Variants in PPP3CA observed in about 807,000 individuals in gnomAD.
PPP3CA encodes the protein CAM-PRP catalytic subunit.
A neutral mutation model predicts 66.5 loss-of-function variants in PPP3CA; 14 were observed. The ratio of observed to expected loss-of-function variants is 0.21; its 90% CI spans 0.14 to 0.33. The LOEUF (loss-of-function observed/expected upper bound fraction) is 0.33, where lower values mean the gene tolerates loss of function less well. Ranked by LOEUF, PPP3CA falls within the 10% of genes least tolerant of loss-of-function variation. The pLI is 1.00. For synonymous variants in PPP3CA, 232 were observed against 226.2 expected (o/e 1.03, Z -0.23); for missense variants, 317 against 639.5 (o/e 0.50, Z 5.44).
rs898833082 is a variant in PPP3CA at position 101,098,577 on chromosome 4, TG to T, written c.497-66del. Reference sequence around the variant, plus strand: ...CAGGATCATTTCACTGAAATAGTTTTGGTTTTTTGAGAAGTTTTCTTGCTAG... The same window carrying T: ...CAGGATCATTTCACTGAAATAGTTTTGTTTTTTGAGAAGTTTTCTTGCTAG... On this transcript the variant is annotated intron_variant, in intron 4 of 13. Coordinates refer to ENST00000394854, the MANE Select transcript of PPP3CA (RefSeq NM_000944.5). The T allele has an allele frequency of 2.0e-6, 3 of 1,486,806 alleles. No homozygotes were observed. In the African/African-American group the frequency reaches 4.4e-5, roughly 22 times the overall value. 92.1% of individuals were successfully genotyped at this position (1,486,806 alleles called of 1,614,324 possible). A position where few individuals can be genotyped will look rare whatever the true frequency, so the allele number is the denominator to read the frequency against.
At chr4:101,324,195 A>AGGAC (rs1729137954) in intron 1 of PPP3CA, among the ~76,000 whole-genome samples, 1 of 140,464 alleles carries the variant, frequency 7.1e-6, no homozygotes, top group Non-Finnish European at 1.6e-5. Context: ...GAAGGAAGGA[A>AGGAC]GGAAGGAAGG....
intron 1 of PPP3CA, among the ~76,000 whole-genome samples, chr4:101,225,447 C>T (rs1553934108): frequency 6.6e-6 from 1 of 151,742 alleles, no homozygotes; most frequent in Non-Finnish European, 1.5e-5. Context: ...ATAAATAGTT[C>T]TTTACAAGCC....
chr4:101,277,465 G>A (rs969647456), intron 1 of PPP3CA, among the ~76,000 whole-genome samples: 1 of 152,092 alleles, frequency 6.6e-6, no homozygotes, highest in Non-Finnish European at 1.5e-5. Flanking sequence ...TTGTTTAAAT[G>A]TCCCAATTTG....
At chr4:101,110,076 G>A (rs1435442743) in intron 2 of PPP3CA, among the ~76,000 whole-genome samples, 1 of 151,936 alleles carries the variant, frequency 6.6e-6, no homozygotes, top group Non-Finnish European at 1.5e-5. Context: ...ATATTTTTAT[G>A]TATTTATACT....
At chr4:101,219,395 T>C (rs1725555120) in intron 1 of PPP3CA, among the ~76,000 whole-genome samples, 2 of 152,040 alleles carry the variant, frequency 1.3e-5, no homozygotes, top group Admixed American at 1.3e-4. Flanking sequence ...AGCTTCTGAA[T>C]CACATCTTGT....
intron 2 of PPP3CA, among the ~76,000 whole-genome samples, chr4:101,124,721 GAAAGAGAAAGAAAGAAAGAAAGAAAGAA>G (rs1560614414): frequency 6.2e-4 from 44 of 70,540 alleles, no homozygotes; most frequent in African/African-American, 1.8e-3. Context: ...AAGAAAGAAA[GAAAGAGAAAGAAAGAAAGAAAGAAAGAA>G]AGAAAGAAAG....
At chr4:101,180,798 C>T (rs1159403177) in intron 2 of PPP3CA, among the ~76,000 whole-genome samples, 1 of 151,950 alleles carries the variant, frequency 6.6e-6, no homozygotes, top group Admixed American at 6.6e-5. Flanking sequence ...CTTTGGGGGG[C>T]CAAGGAGGGA....
chr4:101,070,206 G>A (rs977641855), intron 8 of PPP3CA, among the ~76,000 whole-genome samples: 4 of 152,030 alleles, frequency 2.6e-5, no homozygotes, highest in African/African-American at 9.7e-5. Context: ...TACTATATCT[G>A]GCATATGGTT....
chr4:101,080,174 T>C (rs1729371612), intron 8 of PPP3CA, among the ~76,000 whole-genome samples: 1 of 152,336 alleles, frequency 6.6e-6, no homozygotes, highest in South Asian at 2.1e-4. Context: ...ATCCTTTCCA[T>C]GGACAATCAC....
At chr4:101,084,829 C>T (rs1403744506) in intron 6 of PPP3CA, among the ~76,000 whole-genome samples, 2 of 152,048 alleles carry the variant, frequency 1.3e-5, no homozygotes, top group African/African-American at 2.4e-5. Flanking sequence ...TCCTAGTTGT[C>T]CCCAGTCAAT....
At chr4:101,297,576 C>G (rs1197876330) in intron 1 of PPP3CA, among the ~76,000 whole-genome samples, 1 of 152,138 alleles carries the variant, frequency 6.6e-6, no homozygotes, top group Non-Finnish European at 1.5e-5. Context: ...GGAAGAGGAA[C>G]CCACTAGATG....
intron 2 of PPP3CA, among the ~76,000 whole-genome samples, chr4:101,194,892 A>G (rs1404944994): frequency 6.6e-6 from 1 of 152,134 alleles, no homozygotes; most frequent in Non-Finnish European, 1.5e-5. Context: ...GACAATATTT[A>G]ATTTTTATGG....
intron 8 of PPP3CA, among the ~76,000 whole-genome samples, chr4:101,079,382 T>C (rs1002172150): frequency 1.1e-4 from 17 of 149,766 alleles, no homozygotes; most frequent in African/African-American, 2.7e-4. Flanking sequence ...CATTTCTCTT[T>C]TTTTTTTTTT....
intron 1 of PPP3CA, among the ~76,000 whole-genome samples, chr4:101,237,618 A>G (rs1179742440): frequency 6.6e-6 from 1 of 152,048 alleles, no homozygotes; most frequent in African/African-American, 2.4e-5. Context: ...TTACAACCAC[A>G]AGCTTGCTTT....
intron 10 of PPP3CA, among the ~76,000 whole-genome samples, chr4:101,044,055 C>T (rs957099074): frequency 1.3e-5 from 2 of 152,066 alleles, no homozygotes; most frequent in African/African-American, 4.8e-5. Flanking sequence ...TAATCAAAAT[C>T]AAAATTAGCT....
At chr4:101,078,981 C>A (rs1427821169) in intron 8 of PPP3CA, among the ~76,000 whole-genome samples, 13 of 152,188 alleles carry the variant, frequency 8.5e-5, no homozygotes, top group Non-Finnish European at 1.5e-5. Context: ...ACAAAAACTG[C>A]ACTATGCCTT....
intron 2 of PPP3CA, among the ~76,000 whole-genome samples, chr4:101,122,968 C>CAAAA (rs1252169237): frequency 2.0e-5 from 3 of 152,018 alleles, no homozygotes; most frequent in African/African-American, 7.3e-5. Context: ...TAAAAGGGGC[C>CAAAA]AAACAGAACA....
At chr4:101,340,567 A>C (rs948915606) in intron 1 of PPP3CA, among the ~76,000 whole-genome samples, 4 of 152,176 alleles carry the variant, frequency 2.6e-5, no homozygotes, top group African/African-American at 9.7e-5. Flanking sequence ...GGAATACACA[A>C]TTGTTATTTC....
chr4:101,232,248 T>C (rs1237160348), intron 1 of PPP3CA, among the ~76,000 whole-genome samples: 1 of 151,626 alleles, frequency 6.6e-6, no homozygotes, highest in Non-Finnish European at 1.5e-5. Context: ...ATGATGCCAC[T>C]GACTCACCAC....
Sources: gnomAD v4.1 joint callset for allele counts (sites outside exome capture counted in the v4.1 genomes callset) on GRCh38, gnomAD v4.1.1 for gene constraint, MANE v1.5 for transcripts, NCBI Gene and HGNC (gene_info 2026-07-23, HGNC 2026-07-21) for gene names.